The following P2RY11 variants were observed in gnomAD, a reference collection of about 807,000 sequenced individuals.
The protein encoded by P2RY11 is P2Y purinoceptor 11.
P2RY11 carries 3 observed loss-of-function variants against 2.4 expected under a neutral mutation model. That is an observed-to-expected ratio of 1.22 (90% CI 0.56 to 3.17). P2RY11 has a LOEUF of 3.17. Ranked by LOEUF, P2RY11 falls within the 30% of genes most tolerant of loss-of-function variation. P2RY11 has a pLI of 0.03. For synonymous variants in P2RY11, 307 were observed against 237.3 expected (o/e 1.29, Z -2.70); for missense variants, 670 against 528.2 (o/e 1.27, Z -2.63).
chr19:10,115,009 C>A lies in P2RY11; in HGVS notation c.*271C>A. On this transcript the variant is annotated 3_prime_UTR_variant, in exon 2 of 2. Coordinates refer to ENST00000321826, the MANE Select transcript of P2RY11 (RefSeq NM_002566.5). ...ACTGGAGACGCAAGAACAAAAAGAA[C>A]CAAGTAGAGAGAGTGGAGCTGCTTT... 2 of 1,552,556 alleles carry A rather than the reference C, an allele frequency of 1.3e-6. No homozygotes were observed. Among genetic ancestry groups the A allele is most frequent in the Non-Finnish European group, 8.8e-7 (1 of 1,135,970 alleles).
chr19:10,114,075 G>A lies in P2RY11; in HGVS notation c.462G>A (p.Trp154Ter), dbSNP rs914084665. 3.7e-6 allele frequency: 6 copies of A among 1,600,246 alleles called. No homozygotes were observed. The Admixed American group carries it at 8.3e-5, about 22-fold the overall frequency. ...CCTGGGCCGTGAGCGCTGCCGGCTG[G>A]GTCCTGGCCGCCCTGCTGGCCATGC... ...KHAWAVSAAGWVLAALLAMPT... is the reference protein window; with the variant it reads ...KHAWAVSAAG Residue 154 changes from tryptophan to a stop codon, truncating the protein, a stop_gained, in exon 2 of 2, where the codon TGG (tryptophan) becomes TGA (stop). Coordinates refer to ENST00000321826, the MANE Select transcript of P2RY11 (RefSeq NM_002566.5). LOFTEE classifies it low-confidence loss of function (END_TRUNC).
Position 10,114,176 on chromosome 19 carries a change from G to C in P2RY11, c.563G>C (p.Cys188Ser), listed in dbSNP as rs2089188880. 6.2e-7 allele frequency: 1 copy of C among 1,600,828 alleles called. No individual in the cohort carries two copies. Among genetic ancestry groups the C allele is most frequent in the Non-Finnish European group, 8.5e-7 (1 of 1,179,574 alleles). Residue 188 changes from cysteine to serine, a missense_variant, in exon 2 of 2, where the codon TGC (cysteine) becomes TCC (serine). Physicochemically the swap from Cys to Ser is moderately radical, Grantham distance 112 (BLOSUM62 -1). Transcript: ENST00000321826. ...GNCSVARPEA[C>S]IKCLGTADHG... ...TGCAGCGTGGCCAGGCCCGAGGCCT[G>C]CATCAAGTGTCTGGGGACAGCAGAC... is the stretch of plus-strand genomic sequence containing the variant.
At position 10,113,954 on chromosome 19, in the gene P2RY11, T is replaced by C. The variant is rs1186879624; in HGVS notation, c.341T>C (p.Leu114Pro). The change falls in exon 2 of 2, where the codon CTG becomes CCG. Residue 114 changes from leucine to proline, a missense_variant. Physicochemically the swap from Leu to Pro is moderately conservative, Grantham distance 98 (BLOSUM62 -3). Coordinates refer to ENST00000321826, the MANE Select transcript of P2RY11 (RefSeq NM_002566.5). The stretch of plus-strand genomic sequence containing the variant: ...CGCTTCCTCTTCACCTGCAACCTGC[T>C]GGGCAGCGTCATCTTCATCACCTGC... The part of the protein sequence containing the change: ...LERFLFTCNL[L>P]GSVIFITCIS... The C allele has an allele frequency of 6.2e-7, 1 of 1,602,084 alleles. No homozygotes were observed. Among genetic ancestry groups the C allele is most frequent in the Non-Finnish European group, 8.5e-7 (1 of 1,179,860 alleles).
rs2089214127 is a variant in P2RY11, at chr19:10,115,026, A to C, written c.*288A>C. On this transcript the variant is annotated 3_prime_UTR_variant, in exon 2 of 2. Transcript: ENST00000321826. ...AAAAAGAACCAAGTAGAGAGAGTGG[A>C]GCTGCTTTATTGCCCTTGGAGCCCG... 13 of 1,577,780 alleles carry C rather than the reference A, an allele frequency of 8.2e-6. No individual in the cohort carries two copies. In the Admixed American group the frequency reaches 2.3e-4, roughly 28 times the overall value.
Position 10,114,004 on chromosome 19 carries a change from A to G in P2RY11, c.391A>G (p.Ile131Val), listed in dbSNP as rs756433324. 5.6e-6 allele frequency: 9 copies of G among 1,601,530 alleles called. No individual in the cohort carries two copies. Among genetic ancestry groups the G allele is most frequent in the African/African-American group, 1.3e-5 (1 of 75,048 alleles). Residue 131 changes from isoleucine (I) to valine (V), a missense_variant, in exon 2 of 2, where the codon ATC (isoleucine) becomes GTC (valine). By Grantham distance (29) the Ile-to-Val change is conservative. Transcript: ENST00000321826. ...TCISLNRYLG[I>V]VHPFFARSHL... ...CATCAGCCTCAACCGCTACCTGGGCATCGTGCACCCCTTCTTCGCCCGAAG... is the reference window on the plus strand; with the variant it reads ...CATCAGCCTCAACCGCTACCTGGGCGTCGTGCACCCCTTCTTCGCCCGAAG...
At chr19:10,111,964 G>T (rs937629984) in intron 1 of P2RY11, 2 of 522,586 alleles carry the variant, frequency 3.8e-6, no homozygotes, top group African/African-American at 1.9e-5. Context: ...AAAAAAATTA[G>T]CTGGGCCTGG....
In P2RY11 at chr19:10,113,771, T is replaced by A; in HGVS notation, c.158T>A (p.Phe53Tyr). Residue 53 changes from phenylalanine (F) to tyrosine (Y), a missense_variant, in exon 2 of 2, where the codon TTC becomes TAC. Transcript: ENST00000321826. ...AGCAATGGCCTGGCCCTGTACCGCTTCAGCATCCGGAAGCAGCGCCCATGG... is the reference window on the plus strand; with the variant it reads ...AGCAATGGCCTGGCCCTGTACCGCTACAGCATCCGGAAGCAGCGCCCATGG... ...VASNGLALYR[F>Y]SIRKQRPWHP... The A allele has an allele frequency of 1.9e-6, 3 of 1,614,056 alleles. No individual in the cohort carries two copies. Among genetic ancestry groups the A allele is most frequent in the Non-Finnish European group, 2.5e-6 (3 of 1,179,980 alleles).
rs761772265 is a variant in P2RY11 at position 10,114,358 on chromosome 19, TTGG to T, written c.749_751del (p.Val250del). The T allele has an allele frequency of 1.7e-5, 27 of 1,604,826 alleles. No homozygotes were observed. Among genetic ancestry groups the T allele is most frequent in the Non-Finnish European group, 2.0e-5 (24 of 1,179,046 alleles). ...GGCCGAGAAGCTGCGTGTGGCAGCGTTGGTGGCCAGTGGTGTGGCCCTCTACGC... is the reference window on the plus strand; with the variant it reads ...GGCCGAGAAGCTGCGTGTGGCAGCGTTGGCCAGTGGTGTGGCCCTCTACGC... On this transcript the variant is annotated inframe_deletion, in exon 2 of 2. Transcript: ENST00000321826.
At chr19:10,113,446 C>T (rs1414248425) in intron 1 of P2RY11, among the ~76,000 whole-genome samples, 187 bp from the exon 2 acceptor site, 1 of 152,082 alleles carries the variant, frequency 6.6e-6, no homozygotes, top group Non-Finnish European at 1.5e-5. Flanking sequence ...TCCATTGGGG[C>T]CCAATGCATA....
In P2RY11 at chr19:10,113,704, C is replaced by T. The variant is rs901288207; in HGVS notation, c.91C>T (p.Leu31=). 3.7e-6 allele frequency: 6 copies of T among 1,611,386 alleles called. No individual in the cohort carries two copies. The highest frequency in any genetic ancestry group is 5.1e-6 in the Non-Finnish European group (6 of 1,178,394). ...DKLSGFQGDF[L]WPILVVEFLV... ...ACTCAGTGGGTTCCAGGGGGACTTC[C>T]TGTGGCCCATACTGGTGGTTGAGTT... is the stretch of plus-strand genomic sequence containing the variant. The change falls in exon 2 of 2, where the codon CTG becomes TTG. Residue 31 remains leucine (L), a synonymous_variant. Coordinates refer to ENST00000321826, the MANE Select transcript of P2RY11 (RefSeq NM_002566.5).
In P2RY11 at chr19:10,114,703, C is replaced by G; in HGVS notation, c.1090C>G (p.Pro364Ala). Residue 364 changes from proline (P) to alanine (A), a missense_variant, in exon 2 of 2, where the codon CCG becomes GCG. Pro to Ala is a conservative substitution (Grantham distance 27). Coordinates refer to ENST00000321826, the MANE Select transcript of P2RY11 (RefSeq NM_002566.5). ...CCTCAATGCCACAGCCGCCCCTAAA[C>G]CGTCAGAGCCCCAGTCCCGTGAGCT... ...LPLNATAAPK[P>A]SEPQSRELSQ is the part of the protein sequence containing the mutation. 6.2e-7 allele frequency: 1 copy of G among 1,611,556 alleles called. No individual in the cohort carries two copies. The highest frequency in any genetic ancestry group is 8.5e-7 in the Non-Finnish European group (1 of 1,178,270).
Position 10,114,730 on chromosome 19 carries a change from A to G in P2RY11, c.1117A>G (p.Ser373Gly). 1 of 1,603,860 alleles carries G rather than the reference A, an allele frequency of 6.2e-7. No individual in the cohort carries two copies. Among genetic ancestry groups the G allele is most frequent in the African/African-American group, 1.3e-5 (1 of 74,864 alleles). Residue 373 changes from serine (S) to glycine (G), a missense_variant, in exon 2 of 2, where the codon AGC (serine) becomes GGC (glycine). Ser to Gly is a moderately conservative substitution (Grantham distance 56). Transcript: ENST00000321826. ...KPSEPQSREL[S>G]Q ...GTCAGAGCCCCAGTCCCGTGAGCTG[A>G]GCCAATGATGTGGCCTAGCGGAAGC...
Position 10,113,956 on chromosome 19 carries a change from G to T in P2RY11, c.343G>T (p.Gly115Cys). 1 of 1,602,068 alleles carries T rather than the reference G, an allele frequency of 6.2e-7. No individual in the cohort carries two copies. ...CTTCCTCTTCACCTGCAACCTGCTG[G>T]GCAGCGTCATCTTCATCACCTGCAT... ...ERFLFTCNLL[G>C]SVIFITCISL... Residue 115 changes from glycine (G) to cysteine (C), a missense_variant, in exon 2 of 2, where the codon GGC (glycine) becomes TGC (cysteine). By Grantham distance (159) the Gly-to-Cys change is radical. Coordinates refer to ENST00000321826, the MANE Select transcript of P2RY11 (RefSeq NM_002566.5).
chr19:10,113,807 T>G lies in P2RY11; in HGVS notation c.194T>G (p.Val65Gly). Reference sequence around the variant, plus strand: ...AAGCAGCGCCCATGGCACCCCGCCGTGGTCTTCTCTGTCCAGCTGGCAGTC... The same window carrying G: ...AAGCAGCGCCCATGGCACCCCGCCGGGGTCTTCTCTGTCCAGCTGGCAGTC... ...IRKQRPWHPA[V>G]VFSVQLAVSD... Residue 65 changes from valine (V) to glycine (G), a missense_variant, in exon 2 of 2, where the codon GTG (valine) becomes GGG (glycine). Coordinates refer to ENST00000321826, the MANE Select transcript of P2RY11 (RefSeq NM_002566.5). 6.2e-7 allele frequency: 1 copy of G among 1,613,960 alleles called. No homozygotes were observed. The highest frequency in any genetic ancestry group is 8.5e-7 in the Non-Finnish European group (1 of 1,179,968).
In P2RY11 at chr19:10,114,074, G is replaced by C. The variant is rs2089185227; in HGVS notation, c.461G>C (p.Trp154Ser). The C allele has an allele frequency of 3.1e-6, 5 of 1,600,430 alleles. No homozygotes were observed. Among genetic ancestry groups the C allele is most frequent in the Non-Finnish European group, 4.2e-6 (5 of 1,179,384 alleles). ...KHAWAVSAAG[W>S]VLAALLAMPT... Reference sequence around the variant, plus strand: ...GCCTGGGCCGTGAGCGCTGCCGGCTGGGTCCTGGCCGCCCTGCTGGCCATG... The same window carrying C: ...GCCTGGGCCGTGAGCGCTGCCGGCTCGGTCCTGGCCGCCCTGCTGGCCATG... Residue 154 changes from tryptophan to serine, a missense_variant, in exon 2 of 2, where the codon TGG becomes TCG. By Grantham distance (177) the Trp-to-Ser change is radical. Coordinates refer to ENST00000321826, the MANE Select transcript of P2RY11 (RefSeq NM_002566.5).
rs561399808 is a variant in P2RY11 at position 10,114,939 on chromosome 19, C to A, written c.*201C>A. On this transcript the variant is annotated 3_prime_UTR_variant, in exon 2 of 2. Coordinates refer to ENST00000321826, the MANE Select transcript of P2RY11 (RefSeq NM_002566.5). ...ACAGGGCTCCCTGCAGGGTCAGGGACCAGACCACGCCCAGAGGAGGGGAGG... is the reference window on the plus strand; with the variant it reads ...ACAGGGCTCCCTGCAGGGTCAGGGAACAGACCACGCCCAGAGGAGGGGAGG... 4.3e-6 allele frequency: 6 copies of A among 1,387,048 alleles called. No individual in the cohort carries two copies. In the African/African-American group the frequency reaches 5.7e-5, roughly 13 times the overall value. 85.9% of individuals were successfully genotyped at this position (1,387,048 alleles called of 1,614,324 possible). A position where few individuals can be genotyped will look rare whatever the true frequency, so the allele number is the denominator to read the frequency against.
rs1227750299 is a variant in P2RY11, at chr19:10,114,713, C to G, written c.1100C>G (p.Pro367Arg). 1.9e-6 allele frequency: 3 copies of G among 1,609,824 alleles called. No individual in the cohort carries two copies. The highest frequency in any genetic ancestry group is 2.5e-6 in the Non-Finnish European group (3 of 1,177,040). The change falls in exon 2 of 2, where the codon CCC becomes CGC. Residue 367 changes from proline to arginine, a missense_variant. Transcript: ENST00000321826. ...NATAAPKPSEPQSRELSQ is the reference protein window; with the variant it reads ...NATAAPKPSERQSRELSQ ...ACAGCCGCCCCTAAACCGTCAGAGC[C>G]CCAGTCCCGTGAGCTGAGCCAATGA...
rs775184702 is a variant in P2RY11, at chr19:10,114,289, G to A, written c.676G>A (p.Gly226Ser). 2.1e-5 allele frequency: 33 copies of A among 1,597,544 alleles called. No individual in the cohort carries two copies. Among genetic ancestry groups the A allele is most frequent in the African/African-American group, 5.3e-5 (4 of 74,836 alleles). ...GCTGCTGCTCACGCTGGCAGCCTACGGCGCCCTCGGGCGGGCCGTGCTACG... is the reference window on the plus strand; with the variant it reads ...GCTGCTGCTCACGCTGGCAGCCTACAGCGCCCTCGGGCGGGCCGTGCTACG... ...LPLLLTLAAY[G>S]ALGRAVLRSP... is the part of the protein sequence containing the mutation. The change falls in exon 2 of 2, where the codon GGC becomes AGC. Residue 226 changes from glycine to serine, a missense_variant. Transcript: ENST00000321826.
chr19:10,114,482 A>G lies in P2RY11; in HGVS notation c.869A>G (p.Gln290Arg), dbSNP rs927407991. 4.5e-5 allele frequency: 72 copies of G among 1,611,112 alleles called. No individual in the cohort carries two copies. The highest frequency in any genetic ancestry group is 5.9e-5 in the Non-Finnish European group (70 of 1,178,824). ...TRCPSFADIA[Q>R]ATAALELGPY... ...TGCCCGAGCTTTGCAGACATAGCCC[A>G]GGCCACAGCAGCCCTGGAGCTGGGG... Residue 290 changes from glutamine to arginine, a missense_variant, in exon 2 of 2, where the codon CAG becomes CGG. Coordinates refer to ENST00000321826, the MANE Select transcript of P2RY11 (RefSeq NM_002566.5).
Sources: allele counts gnomAD v4.1 joint callset (sites outside exome capture counted in the v4.1 genomes callset), GRCh38; gene constraint gnomAD v4.1.1; transcripts MANE v1.5; gene names NCBI Gene and HGNC (gene_info 2026-07-23, HGNC 2026-07-21).